Variants in STK17A observed in about 807,000 individuals in gnomAD.
STK17A encodes the protein serine/threonine-protein kinase 17A.
Under a neutral mutation model 43.7 loss-of-function variants are expected in STK17A, and 26 were observed. The ratio of observed to expected loss-of-function variants is 0.60; its 90% confidence interval spans 0.44 to 0.83. The LOEUF is 0.83. Among genes scored for constraint, STK17A ranks in the 40% least tolerant of loss-of-function variants. The pLI, the probability that STK17A is intolerant of heterozygous loss-of-function variation, is 0.00. For synonymous variants in STK17A, 191 were observed against 182.5 expected, an observed-to-expected ratio of 1.05 and a Z score of -0.38; for missense variants, 476 against 511.6, an observed-to-expected ratio of 0.93 and a Z score of 0.67.
In STK17A at chr7:43,583,118, C is replaced by G; in HGVS notation, c.-126C>G. ...GGTAGTCTGCCTGCCGCAGTCCGAGCGCCGCGCTGGGGAGAGCGGGTGTTT... is the reference window on the plus strand; with the variant it reads ...GGTAGTCTGCCTGCCGCAGTCCGAGGGCCGCGCTGGGGAGAGCGGGTGTTT... On this transcript the variant is annotated 5_prime_UTR_variant, in exon 1 of 7. Transcript: ENST00000319357. The G allele has an allele frequency of 9.8e-7, 1 of 1,022,638 alleles. No homozygotes were observed. The highest frequency in any genetic ancestry group is 1.6e-5 in the South Asian group (1 of 62,816). 63.3% of individuals were successfully genotyped at this position (1,022,638 alleles called of 1,614,324 possible).
chr7:43,584,897 C>G (rs1460182826), intron 1 of STK17A, among the ~76,000 whole-genome samples: 2 of 152,148 alleles, frequency 1.3e-5, no homozygotes, highest in Non-Finnish European at 2.9e-5. Flanking sequence ...ACCCCTATTA[C>G]CTGAAAAAAG....
chr7:43,616,477 C>T (rs2083354779), intron 3 of STK17A, among the ~76,000 whole-genome samples: 1 of 152,170 alleles, frequency 6.6e-6, no homozygotes, highest in African/African-American at 2.4e-5. Flanking sequence ...AGTACTGTGG[C>T]TTCTGTCCTC....
At chr7:43,597,703 TGGGA>T (rs2082527519) in intron 2 of STK17A, among the ~76,000 whole-genome samples, 3 of 152,010 alleles carry the variant, frequency 2.0e-5, no homozygotes, top group African/African-American at 7.2e-5. Context: ...GCAGCCAAAG[TGGGA>T]AGATTTCTTG....
At chr7:43,613,152 G>C (rs1329031982) in intron 3 of STK17A, among the ~76,000 whole-genome samples, 6 of 152,126 alleles carry the variant, frequency 3.9e-5, no homozygotes, top group Non-Finnish European at 5.9e-5. Context: ...TGTTGTACTG[G>C]TTCAGTCTTT....
chr7:43,603,726 G>GT (rs1271549550), intron 2 of STK17A, among the ~76,000 whole-genome samples: 22 of 152,320 alleles, frequency 1.4e-4, no homozygotes, highest in African/African-American at 4.1e-4. Flanking sequence ...GCAGGTATGT[G>GT]TAAGTGTAAA....
At chr7:43,612,771 G>T (rs2082990519) in intron 3 of STK17A, among the ~76,000 whole-genome samples, 1 of 151,838 alleles carries the variant, frequency 6.6e-6, no homozygotes, top group Non-Finnish European at 1.5e-5. Context: ...ACTGAAGACT[G>T]TCAGCCAAAT....
chr7:43,597,900 G>T (rs2082529026), intron 2 of STK17A, among the ~76,000 whole-genome samples: 1 of 152,000 alleles, frequency 6.6e-6, no homozygotes, highest in African/African-American at 2.4e-5. Context: ...ACTCCAGCCT[G>T]GGTGACAGAG....
rs964156119 is a variant in STK17A, at chr7:43,589,681, C to T, written c.207-6220C>T. On this transcript the variant is annotated intron_variant, in intron 1 of 6. Coordinates refer to ENST00000319357, the MANE Select transcript of STK17A (RefSeq NM_004760.3). Reference sequence around the variant, plus strand: ...TCCATGACTTTCACCTTTCCTTTCTCCTCTCATCTCTGCGTACAACTCACA... The same window carrying T: ...TCCATGACTTTCACCTTTCCTTTCTTCTCTCATCTCTGCGTACAACTCACA... Among the ~76,000 whole-genome samples, 41 of 142,528 alleles carry T rather than the reference C, an allele frequency of 2.9e-4. 1 individual carries two copies. The highest frequency in any genetic ancestry group is 5.2e-4 in the Non-Finnish European group (32 of 61,076). The allele number at this position is 142,528 out of a possible 152,430, so 93.5% of individuals were successfully genotyped here.
At chr7:43,612,131 G>T (rs1237746175) in intron 3 of STK17A, among the ~76,000 whole-genome samples, 1 of 152,158 alleles carries the variant, frequency 6.6e-6, no homozygotes, top group Non-Finnish European at 1.5e-5. Context: ...TTCAGTAGAG[G>T]CCTTGATGAC....
rs1190721786 is a variant in STK17A at position 43,626,630 on chromosome 7, ATC to A, written c.*1794_*1795del. ...TAAACACAGTATTAGGCAAATATTTATCTCTCTGAAAAAATAGGGAGGAGGTG... is the reference window on the plus strand; with the variant it reads ...TAAACACAGTATTAGGCAAATATTTATCTCTGAAAAAATAGGGAGGAGGTG... On this transcript the variant is annotated 3_prime_UTR_variant, in exon 7 of 7. Coordinates refer to ENST00000319357, the MANE Select transcript of STK17A (RefSeq NM_004760.3). 2.6e-5 allele frequency: 4 copies of A among 152,316 alleles called. No homozygotes were observed. The highest frequency in any genetic ancestry group is 2.1e-4 in the South Asian group (1 of 4,830). The allele number at this position is 152,316 out of a possible 1,614,324, so 9.4% of individuals were successfully genotyped here.
At chr7:43,616,805 G>T (rs1466585062) in intron 3 of STK17A, among the ~76,000 whole-genome samples, 2 of 152,170 alleles carry the variant, frequency 1.3e-5, no homozygotes, top group African/African-American at 4.8e-5. Context: ...GCTGAGGCAG[G>T]AGAATGGCCT....
intron 2 of STK17A, among the ~76,000 whole-genome samples, chr7:43,604,782 C>T (rs1197361361): frequency 2.0e-5 from 3 of 152,042 alleles, no homozygotes; most frequent in African/African-American, 7.2e-5. Context: ...CTACCCCTAC[C>T]TCTCTTCTCT....
In STK17A at chr7:43,618,455, G is replaced by A. The variant is rs941281148; in HGVS notation, c.565-1142G>A. The stretch of plus-strand genomic sequence containing the variant: ...GAGCACAGATTGCCTTTGGAGCCGT[G>A]ACAGATTAATCTTGAAAAGGAAGCA... On this transcript the variant is annotated intron_variant, in intron 3 of 6. Transcript: ENST00000319357. Among the ~76,000 whole-genome samples the A allele has an allele frequency of 2.0e-5, 3 of 152,128 alleles. No homozygotes were observed. In the South Asian group the frequency reaches 6.2e-4, roughly 31 times the overall value.
At chr7:43,590,398 C>T (rs2082472300) in intron 1 of STK17A, among the ~76,000 whole-genome samples, 1 of 151,324 alleles carries the variant, frequency 6.6e-6, no homozygotes, top group South Asian at 2.1e-4. Context: ...ATGCAAAGGA[C>T]TTAGGGAGCT....
chr7:43,591,014 T>C (rs1229799089), intron 1 of STK17A, among the ~76,000 whole-genome samples: 5 of 151,664 alleles, frequency 3.3e-5, no homozygotes, highest in African/African-American at 7.2e-5. Context: ...AAATCCGTTA[T>C]TATCTTCTCT....
intron 2 of STK17A, among the ~76,000 whole-genome samples, chr7:43,596,314 TTCTTTA>T (rs1389631103): frequency 6.6e-6 from 1 of 152,254 alleles, no homozygotes; most frequent in African/African-American, 2.4e-5. Context: ...TTTATTTTCA[TTCTTTA>T]ATGAAATTCT....
intron 1 of STK17A, among the ~76,000 whole-genome samples, chr7:43,589,714 G>C (rs1266744233): frequency 7.0e-6 from 1 of 142,530 alleles, no homozygotes; most frequent in Non-Finnish European, 1.6e-5. Flanking sequence ...ACACCTGCCA[G>C]GGAGTGCTAA....
intron 3 of STK17A, among the ~76,000 whole-genome samples, chr7:43,617,454 C>A (rs2083455831): frequency 6.6e-6 from 1 of 152,234 alleles, no homozygotes; most frequent in South Asian, 2.1e-4. Context: ...TATTTAAAAT[C>A]AACTATGGTG....
chr7:43,619,652 A>AT lies in STK17A; in HGVS notation c.624dup (p.Gly209TrpfsTer10). On this transcript the variant is annotated frameshift_variant, in exon 4 of 7. Transcript: ENST00000319357. LOFTEE classifies it high-confidence loss of function. ...CCATTGGGTGACATTAAGATTGTTG[A>AT]TTTTGGCCTTTCAAGAATATTGAAG... is the stretch of plus-strand genomic sequence containing the variant. 1 of 1,614,058 alleles carries AT rather than the reference A, an allele frequency of 6.2e-7. No individual in the cohort carries two copies. The highest frequency in any genetic ancestry group is 8.5e-7 in the Non-Finnish European group (1 of 1,179,986).
Sources: gnomAD v4.1 joint callset for allele counts (sites outside exome capture counted in the v4.1 genomes callset) on GRCh38, gnomAD v4.1.1 for gene constraint, MANE v1.5 for transcripts, NCBI Gene and HGNC (gene_info 2026-07-23, HGNC 2026-07-21) for gene names.